Variants in PDE12 observed in about 807,000 individuals in gnomAD.
The protein encoded by PDE12 is 2',5'-phosphodiesterase 12.
Under a neutral mutation model 45.4 loss-of-function variants are expected in PDE12, and 26 were observed. That is an observed-to-expected ratio of 0.57 (90% CI 0.42 to 0.79). The LOEUF is 0.79. PDE12 is among the 30% of genes least tolerant of loss of function. The pLI is 0.00. For missense variants in PDE12, 668 were observed against 790.0 expected (o/e 0.85, Z 1.85); for synonymous variants, 283 against 323.9 (o/e 0.87, Z 1.36).
At position 57,557,533 on chromosome 3, in the gene PDE12, T is replaced by A. The variant is rs1056188456; in HGVS notation, c.1154T>A (p.Phe385Tyr). ...RIKQHEGLAT[F>Y]YRKSKFSLLS... ...AAGCAGCACGAAGGCCTGGCCACTT[T>A]CTACCGAAAGTCTAAGTTCAGCCTT... The change falls in exon 1 of 3, where the codon TTC (phenylalanine) becomes TAC (tyrosine). Residue 385 changes from phenylalanine (F) to tyrosine (Y), a missense_variant. Transcript: ENST00000311180. 4.3e-6 allele frequency: 7 copies of A among 1,614,076 alleles called. No individual in the cohort carries two copies. The highest frequency in any genetic ancestry group is 5.9e-6 in the Non-Finnish European group (7 of 1,180,014).
chr3:57,645,022 AAAG>A, the PDE12 span, among the ~76,000 whole-genome samples: 1 of 151,946 alleles, frequency 6.6e-6, no homozygotes, highest in Admixed American at 6.6e-5. Context: ...CTAGCTGTAA[AAAG>A]AAGGTGAGCG....
chr3:57,575,751 C>T, the PDE12 span: 1 of 1,423,724 alleles, frequency 7.0e-7, no homozygotes, highest in South Asian at 1.4e-5. Context: ...ATATACTTTA[C>T]TCAGCATTAA....
chr3:57,556,745 G>A lies in PDE12; in HGVS notation c.366G>A (p.Val122=), dbSNP rs754149342. The part of the protein sequence containing the change: ...GPEPAVFCEP[V]VKLYYREEAV... ...AGCCGGCTGTGTTCTGCGAGCCCGT[G>A]GTGAAGCTGTACTACCGGGAAGAGG... Residue 122 remains valine, a synonymous_variant, in exon 1 of 3, where the codon GTG becomes GTA. Transcript: ENST00000311180. The surrounding 1 kb of genome is among the most constrained non-coding windows in gnomAD (Gnocchi z 5.0). 93 of 1,599,740 alleles carry A rather than the reference G, an allele frequency of 5.8e-5. No homozygotes were observed. The highest frequency in any genetic ancestry group is 7.7e-5 in the Non-Finnish European group (90 of 1,169,580).
At chr3:57,594,698 C>T in the PDE12 span, among the ~76,000 whole-genome samples, 20 of 152,146 alleles carry the variant, frequency 1.3e-4, no homozygotes, top group Non-Finnish European at 2.9e-4. Flanking sequence ...GAATAAAACA[C>T]TGACTCAGGA....
At chr3:57,646,217 A>G in the PDE12 span, 61 of 1,469,646 alleles carry the variant, frequency 4.2e-5, no homozygotes, top group Non-Finnish European at 5.4e-5. Context: ...ATGGGTGGGG[A>G]AAAATACGAC....
At chr3:57,596,882 C>A in the PDE12 span, 2 of 598,652 alleles carry the variant, frequency 3.3e-6, no homozygotes, top group Non-Finnish European at 2.9e-6. Flanking sequence ...TCTCGTCTGG[C>A]GACAGATCGG....
chr3:57,651,450 G>A, the PDE12 span, among the ~76,000 whole-genome samples: 3 of 152,248 alleles, frequency 2.0e-5, no homozygotes, highest in South Asian at 2.1e-4. Flanking sequence ...TAAATGTAAT[G>A]TCCAAAACAG....
chr3:57,612,004 A>G, the PDE12 span, among the ~76,000 whole-genome samples: 4 of 152,136 alleles, frequency 2.6e-5, no homozygotes, highest in Non-Finnish European at 4.4e-5. Context: ...ATGTCCATCA[A>G]TGAGAGACTG....
the PDE12 span, among the ~76,000 whole-genome samples, chr3:57,587,472 G>T: frequency 6.6e-6 from 1 of 151,640 alleles, no homozygotes; most frequent in Non-Finnish European, 1.5e-5. Flanking sequence ...ATATGTGCTT[G>T]TATGAATACT....
At chr3:57,617,580 G>GAGT in the PDE12 span, among the ~76,000 whole-genome samples, 1 of 152,020 alleles carries the variant, frequency 6.6e-6, no homozygotes, top group African/African-American at 2.4e-5. Flanking sequence ...AGAGTGGATA[G>GAGT]GGCCAGGCTC....
the PDE12 span, chr3:57,634,495 C>A: frequency 1.1e-6 from 1 of 923,788 alleles, no homozygotes; most frequent in Non-Finnish European, 1.5e-6. Flanking sequence ...GGACATATTG[C>A]GTAACTGGAT....
the PDE12 span, among the ~76,000 whole-genome samples, chr3:57,585,237 T>G: frequency 0.16 from 24,720 of 152,142 alleles, 2,667 homozygotes; most frequent in East Asian, 0.48. Flanking sequence ...ATTCTTAAGA[T>G]TTGTAAAAAT....
chr3:57,653,244 T>C, the PDE12 span, among the ~76,000 whole-genome samples: 3 of 152,192 alleles, frequency 2.0e-5, no homozygotes, highest in African/African-American at 7.2e-5. Context: ...GGGATTCCTT[T>C]AAGGCACCAA....
At chr3:57,604,784 T>A in the PDE12 span, among the ~76,000 whole-genome samples, 1 of 151,840 alleles carries the variant, frequency 6.6e-6, no homozygotes, top group Non-Finnish European at 1.5e-5. Context: ...GGCTAATTTT[T>A]AAAATTTTTT....
the PDE12 span, among the ~76,000 whole-genome samples, chr3:57,617,893 C>T: frequency 6.6e-6 from 1 of 150,660 alleles, no homozygotes; most frequent in South Asian, 2.1e-4. Flanking sequence ...AACAAAAAAA[C>T]CATAGTGGAT....
chr3:57,582,811 G>A, the PDE12 span, among the ~76,000 whole-genome samples: 1 of 152,136 alleles, frequency 6.6e-6, no homozygotes, highest in Non-Finnish European at 1.5e-5. Flanking sequence ...AAACACAATC[G>A]AGGTGGGACC....
chr3:57,640,558 A>G, the PDE12 span, among the ~76,000 whole-genome samples: 2 of 152,232 alleles, frequency 1.3e-5, no homozygotes, highest in Admixed American at 1.3e-4. Flanking sequence ...AGCCTGGGCA[A>G]CAGAGTGAGA....
the PDE12 span, among the ~76,000 whole-genome samples, chr3:57,647,727 A>G: frequency 6.6e-6 from 1 of 152,054 alleles, no homozygotes; most frequent in African/African-American, 2.4e-5. Context: ...CAGGGTAAGG[A>G]GAGCACTCAT....
At chr3:57,602,297 C>A in the PDE12 span, among the ~76,000 whole-genome samples, 1 of 152,172 alleles carries the variant, frequency 6.6e-6, no homozygotes, top group Non-Finnish European at 1.5e-5. Context: ...TTCCTCCTAA[C>A]CTTTGTAAAC....
Sources: gnomAD v4.1 joint callset for allele counts (sites outside exome capture counted in the v4.1 genomes callset) on GRCh38, gnomAD v4.1.1 for gene constraint, Gnocchi (gnomAD v3.1) non-coding constraint, MANE v1.5 for transcripts, NCBI Gene and HGNC (gene_info 2026-07-23, HGNC 2026-07-21) for gene names.